The following SUPT3H variants were observed in gnomAD, a reference collection of about 807,000 sequenced individuals.
SUPT3H encodes the protein transcription initiation protein SPT3 homolog.
SUPT3H carries 44 observed loss-of-function variants against 44.3 expected under a neutral mutation model. The observed-to-expected ratio is 0.99, with a 90% CI of 0.78 to 1.28. The LOEUF is 1.28. SUPT3H is among the 50% of genes most tolerant of loss of function. The probability of loss-of-function intolerance (pLI) is 0.00; values close to 1 mark genes in which losing one functional copy is unlikely to be tolerated. For synonymous variants in SUPT3H, 124 were observed against 125.6 expected, an observed-to-expected ratio of 0.99 and a Z score of 0.09; for missense variants, 380 against 387.1, an observed-to-expected ratio of 0.98 and a Z score of 0.15.
rs559542482 is a variant in SUPT3H at position 45,160,217 on chromosome 6, T to C, written c.102-54211A>G. Reference sequence around the variant, plus strand: ...AAAGAAATACAAACTCACTAAAATGTTGTTTATTTTGAAAAATTGTTAATA... The same window carrying C: ...AAAGAAATACAAACTCACTAAAATGCTGTTTATTTTGAAAAATTGTTAATA... On this transcript the variant is annotated intron_variant, in intron 2 of 10. Coordinates refer to ENST00000371459, the MANE Select transcript of SUPT3H (RefSeq NM_003599.4). Among the ~76,000 whole-genome samples, 75 of 152,302 alleles carry C rather than the reference T, an allele frequency of 4.9e-4. 1 individual carries two copies. In the South Asian group the frequency reaches 0.015, roughly 30 times the overall value.
intron 7 of SUPT3H, among the ~76,000 whole-genome samples, chr6:44,955,990 C>T (rs971152325): frequency 2.0e-5 from 3 of 151,156 alleles, no homozygotes; most frequent in Non-Finnish European, 2.9e-5. Context: ...GGCATGGTAG[C>T]GGGTGCCTGT....
chr6:44,902,079 G>T (rs1262202615), intron 10 of SUPT3H, among the ~76,000 whole-genome samples: 1 of 152,148 alleles, frequency 6.6e-6, no homozygotes, highest in Non-Finnish European at 1.5e-5. Context: ...ATGCCAAATT[G>T]TAAAGACCAT....
At chr6:45,012,299 A>C (rs762036040) in intron 5 of SUPT3H, among the ~76,000 whole-genome samples, 1 of 151,556 alleles carries the variant, frequency 6.6e-6, no homozygotes, top group Non-Finnish European at 1.5e-5. Flanking sequence ...GTGTATTTTT[A>C]CACACTTAAT....
chr6:45,020,442 ATTATT>A, intron 4 of SUPT3H, 99 bp downstream of exon 4: 1 of 791,216 alleles, frequency 1.3e-6, no homozygotes, highest in Non-Finnish European at 2.0e-6. Context: ...TTCAATAGTT[ATTATT>A]TTAATTTGAA....
chr6:44,862,314 A>T (rs1417785025), intron 10 of SUPT3H, among the ~76,000 whole-genome samples: 2 of 151,912 alleles, frequency 1.3e-5, no homozygotes, highest in East Asian at 3.9e-4. Flanking sequence ...GAACCCCAAA[A>T]CCAGGTGAAG....
At chr6:44,945,156 G>A (rs994876748) in intron 9 of SUPT3H, among the ~76,000 whole-genome samples, 3 of 151,812 alleles carry the variant, frequency 2.0e-5, no homozygotes, top group Admixed American at 6.6e-5. Flanking sequence ...GTCTTGGGGC[G>A]CCACGAACTG....
At chr6:44,845,573 G>A (rs549186770) in intron 10 of SUPT3H, among the ~76,000 whole-genome samples, 2 of 152,258 alleles carry the variant, frequency 1.3e-5, no homozygotes, top group South Asian at 4.1e-4. Flanking sequence ...CTGCCCAAAT[G>A]TTGCATTTCC....
At chr6:45,279,651 C>G (rs940017407) in intron 2 of SUPT3H, among the ~76,000 whole-genome samples, 1 of 152,198 alleles carries the variant, frequency 6.6e-6, no homozygotes, top group South Asian at 2.1e-4. Context: ...GCTGCCACCA[C>G]ACTTCCTGTG....
intron 2 of SUPT3H, among the ~76,000 whole-genome samples, chr6:45,268,274 T>A (rs1272717494): frequency 6.6e-6 from 1 of 152,148 alleles, no homozygotes; most frequent in African/African-American, 2.4e-5. Flanking sequence ...AAGGGGTGCG[T>A]GTGGAACTCT....
intron 6 of SUPT3H, among the ~76,000 whole-genome samples, chr6:44,997,306 G>C (rs1781398096): frequency 6.6e-6 from 1 of 151,534 alleles, no homozygotes; most frequent in Non-Finnish European, 1.5e-5. Flanking sequence ...GGAACATAGT[G>C]CTTTTTCATT....
At chr6:45,201,717 C>A (rs1338001015) in intron 2 of SUPT3H, among the ~76,000 whole-genome samples, 1 of 151,714 alleles carries the variant, frequency 6.6e-6, no homozygotes, top group Admixed American at 6.6e-5. Flanking sequence ...CATTCTAATC[C>A]AACAGTCATG....
intron 10 of SUPT3H, among the ~76,000 whole-genome samples, chr6:44,851,170 A>C (rs1361751046): frequency 4.6e-5 from 7 of 152,220 alleles, no homozygotes; most frequent in Admixed American, 6.5e-5. Flanking sequence ...GGTTTCAATA[A>C]ATTTGAATAC....
intron 2 of SUPT3H, among the ~76,000 whole-genome samples, chr6:45,123,322 A>T (rs1223970502): frequency 6.6e-6 from 1 of 152,102 alleles, no homozygotes; most frequent in Non-Finnish European, 1.5e-5. Flanking sequence ...CTATGACAAT[A>T]CAAAAATCAT....
chr6:44,857,221 A>C (rs1421260199), intron 10 of SUPT3H, among the ~76,000 whole-genome samples: 1 of 152,192 alleles, frequency 6.6e-6, no homozygotes, highest in Non-Finnish European at 1.5e-5. Context: ...TGAAAATACA[A>C]AATAAATAAA....
chr6:45,037,804 C>CAA (rs201001723), intron 3 of SUPT3H, among the ~76,000 whole-genome samples: 8 of 131,640 alleles, frequency 6.1e-5, no homozygotes, highest in Admixed American at 3.8e-4. Flanking sequence ...AACTCAGTCT[C>CAA]AAAAAAAAAA....
intron 2 of SUPT3H, among the ~76,000 whole-genome samples, chr6:45,122,259 G>A (rs1042251380): frequency 1.3e-5 from 2 of 152,098 alleles, no homozygotes; most frequent in Non-Finnish European, 2.9e-5. Context: ...TAACAAGGCT[G>A]TCTGTAGCAC....
intron 10 of SUPT3H, among the ~76,000 whole-genome samples, chr6:44,885,450 C>T (rs902312841): frequency 5.3e-5 from 8 of 152,142 alleles, no homozygotes; most frequent in Admixed American, 2.6e-4. Flanking sequence ...GCAGCATTCG[C>T]GGTTCACAAA....
chr6:45,076,444 A>G (rs953472166), intron 3 of SUPT3H, among the ~76,000 whole-genome samples: 6 of 152,004 alleles, frequency 3.9e-5, no homozygotes, highest in Non-Finnish European at 8.8e-5. Flanking sequence ...AATGATTACC[A>G]GATGGAGATG....
intron 3 of SUPT3H, chr6:45,098,708 A>G (rs1798133318): frequency 1.5e-5 from 6 of 395,806 alleles, no homozygotes; most frequent in Admixed American, 3.0e-5. Flanking sequence ...TATCCTCCCC[A>G]TATGTTGGTA....
Sources: allele counts gnomAD v4.1 joint callset (sites outside exome capture counted in the v4.1 genomes callset), GRCh38; gene constraint gnomAD v4.1.1; transcripts MANE v1.5; gene names NCBI Gene and HGNC (gene_info 2026-07-23, HGNC 2026-07-21).